Variants in CRYL1 observed in about 807,000 individuals in gnomAD.
The protein encoded by CRYL1 is crystallin lambda 1.
A neutral mutation model predicts 36.6 loss-of-function variants in CRYL1; 29 were observed. That is an observed-to-expected ratio of 0.79 (90% CI 0.59 to 1.08). The LOEUF (loss-of-function observed/expected upper bound fraction) is 1.08, where lower values mean the gene tolerates loss of function less well. CRYL1 is among the 50% of genes least tolerant of loss of function. The pLI is 0.00. For synonymous variants in CRYL1, 152 were observed against 151.5 expected, an observed-to-expected ratio of 1.00 and a Z score of -0.02; for missense variants, 411 against 407.9, an observed-to-expected ratio of 1.01 and a Z score of -0.06.
intron 1 of CRYL1, among the ~76,000 whole-genome samples, chr13:20,523,984 G>A (rs2034141597): frequency 6.6e-6 from 1 of 152,200 alleles, no homozygotes; most frequent in Admixed American, 6.5e-5. Context: ...ACAAGGCCAA[G>A]CAAGGTGGCT....
intron 3 of CRYL1, among the ~76,000 whole-genome samples, chr13:20,473,855 C>G (rs571056817): frequency 1.3e-5 from 2 of 151,884 alleles, no homozygotes; most frequent in African/African-American, 4.9e-5. Flanking sequence ...ATTCTAACGT[C>G]TCAGGAAAGT....
intron 5 of CRYL1, chr13:20,430,521 G>GCAGATGTC: frequency 1.0e-6 from 1 of 985,372 alleles, no homozygotes. Flanking sequence ...TCGTGAGTCA[G>GCAGATGTC]CAGAACTACC....
At chr13:20,506,931 G>C (rs2033803962) in intron 2 of CRYL1, among the ~76,000 whole-genome samples, 1 of 152,166 alleles carries the variant, frequency 6.6e-6, no homozygotes, top group Non-Finnish European at 1.5e-5. Context: ...TTGGGGGAGG[G>C]ACCTGGTGGG....
intron 3 of CRYL1, among the ~76,000 whole-genome samples, chr13:20,482,481 G>A (rs1189990713): frequency 1.3e-5 from 2 of 152,164 alleles, no homozygotes; most frequent in Admixed American, 6.5e-5. Context: ...TATTTTTCCA[G>A]AACAGTAGGT....
In CRYL1 at chr13:20,478,183, C is replaced by A. The variant is rs140909440; in HGVS notation, c.276+11187G>T. ...GCATTAAATATGTATGCCATGACCA[C>A]TTTTGAATGGGCTTATCATGTTTTT... On this transcript the variant is annotated intron_variant, in intron 3 of 7. Transcript: ENST00000298248. Among the ~76,000 whole-genome samples the A allele has an allele frequency of 1.3e-3, 205 of 152,050 alleles. 1 individual carries two copies. The highest frequency in any genetic ancestry group is 6.8e-3 in the Middle Eastern group (2 of 292).
At chr13:20,414,150 G>C (rs1250491161) in intron 5 of CRYL1, among the ~76,000 whole-genome samples, 3 of 151,976 alleles carry the variant, frequency 2.0e-5, no homozygotes, top group Non-Finnish European at 4.4e-5. Flanking sequence ...ACTCCAGCCT[G>C]GGCATCAGAG....
Position 20,404,253 on chromosome 13 carries a change from G to T in CRYL1, c.847-11C>A. ...CTTCATGCACATGTCCTGCAAGAAG[G>T]AGAAGGAAAAAAAAGGACAATAAAG... On this transcript the variant is annotated splice_polypyrimidine_tract_variant and intron_variant, in intron 7 of 7. Transcript: ENST00000298248. 1 of 1,553,928 alleles carries T rather than the reference G, an allele frequency of 6.4e-7. No individual in the cohort carries two copies. The highest frequency in any genetic ancestry group is 8.8e-7 in the Non-Finnish European group (1 of 1,130,876).
At chr13:20,434,921 T>G (rs9506488) in intron 4 of CRYL1, among the ~76,000 whole-genome samples, 151,332 of 152,044 alleles carry the variant, frequency 1, 75,315 homozygotes, top group South Asian at 1. Context: ...TTTCCATATA[T>G]ATTCTGCACT....
chr13:20,461,888 A>G (rs2032826125), intron 3 of CRYL1, among the ~76,000 whole-genome samples: 1 of 105,052 alleles, frequency 9.5e-6, no homozygotes, highest in Admixed American at 1.4e-4. Context: ...TTGGGCCTCC[A>G]GGGGCTCAGC....
At chr13:20,406,756 A>G (rs1171612559) in intron 6 of CRYL1, among the ~76,000 whole-genome samples, 1 of 152,028 alleles carries the variant, frequency 6.6e-6, no homozygotes, top group Non-Finnish European at 1.5e-5. Flanking sequence ...CACAAGAATC[A>G]AGTTGAAAAT....
intron 2 of CRYL1, among the ~76,000 whole-genome samples, chr13:20,497,337 ACACACTACACACACACCACC>A (rs1454106150): frequency 2.8e-5 from 1 of 36,310 alleles, no homozygotes; most frequent in African/African-American, 5.9e-5. Context: ...ACACCACCAC[ACACACTACACACACACCACC>A]ATACACACAA....
At position 20,435,417 on chromosome 13, in the gene CRYL1, C is replaced by A. The variant is rs1432669808; in HGVS notation, c.439-3121G>T. 3.3e-5 allele frequency among the ~76,000 whole-genome samples: 5 copies of A among 152,242 alleles called. No homozygotes were observed. The highest frequency in any genetic ancestry group is 1.2e-4 in the African/African-American group (5 of 41,560). ...CCATTCACACCGACTTCCATCCACA[C>A]CTCCGTGTCCACCTACGGAAGCCGC... is the stretch of plus-strand genomic sequence containing the variant. On this transcript the variant is annotated intron_variant, in intron 4 of 7. Transcript: ENST00000298248. The surrounding 1 kb of genome is among the most constrained non-coding windows in gnomAD (Gnocchi z 4.0).
intron 3 of CRYL1, among the ~76,000 whole-genome samples, chr13:20,478,131 G>T (rs2033203197): frequency 6.6e-6 from 1 of 151,728 alleles, no homozygotes; most frequent in African/African-American, 2.4e-5. Flanking sequence ...AAATATTATA[G>T]TTGCTAAAGT....
intron 4 of CRYL1, among the ~76,000 whole-genome samples, chr13:20,434,539 C>T (rs1312144405): frequency 6.6e-6 from 1 of 151,272 alleles, no homozygotes; most frequent in Non-Finnish European, 1.5e-5. Context: ...AGGGGAGGGG[C>T]CAATTAGGGA....
At chr13:20,518,557 G>A (rs892384565) in intron 1 of CRYL1, among the ~76,000 whole-genome samples, 12 of 152,170 alleles carry the variant, frequency 7.9e-5, no homozygotes, top group Non-Finnish European at 1.6e-4. Flanking sequence ...AAGCAATGGA[G>A]GGATTTTGGT....
At chr13:20,421,739 A>C (rs1339037277) in intron 5 of CRYL1, among the ~76,000 whole-genome samples, 3 of 152,070 alleles carry the variant, frequency 2.0e-5, no homozygotes, top group African/African-American at 7.2e-5. Context: ...CTGCTCAAGC[A>C]CCTATTGGTA....
At chr13:20,421,301 G>A (rs773784254) in intron 5 of CRYL1, among the ~76,000 whole-genome samples, 2 of 152,158 alleles carry the variant, frequency 1.3e-5, no homozygotes, top group African/African-American at 2.4e-5. Flanking sequence ...GTATGAATGT[G>A]AATACATTCA....
intron 3 of CRYL1, among the ~76,000 whole-genome samples, chr13:20,486,043 C>A (rs1269877123): frequency 6.6e-6 from 1 of 151,882 alleles, no homozygotes; most frequent in Non-Finnish European, 1.5e-5. Flanking sequence ...CTCAGCCTCC[C>A]AAGTAGTTGG....
chr13:20,513,924 A>C (rs986143224), intron 1 of CRYL1, among the ~76,000 whole-genome samples: 8 of 152,056 alleles, frequency 5.3e-5, no homozygotes, highest in African/African-American at 1.9e-4. Context: ...AAAAAAAAAA[A>C]AAAAACGCAT....
Sources: allele counts gnomAD v4.1 joint callset (sites outside exome capture counted in the v4.1 genomes callset), GRCh38; gene constraint gnomAD v4.1.1; non-coding constraint Gnocchi (gnomAD v3.1); transcripts MANE v1.5; gene names NCBI Gene and HGNC (gene_info 2026-07-23, HGNC 2026-07-21).